GSE1: variants seen among roughly 807,000 people sequenced by gnomAD.
The protein encoded by GSE1 is Gse1 coiled-coil protein.
GSE1 carries 32 observed loss-of-function variants against 112.6 expected under a neutral mutation model. The observed-to-expected ratio is 0.28, with a 90% CI of 0.21 to 0.38. The LOEUF (loss-of-function observed/expected upper bound fraction) is 0.38, where lower values mean the gene tolerates loss of function less well. Among genes scored for constraint, GSE1 ranks in the 10% least tolerant of loss-of-function variants. The pLI, the probability that GSE1 is intolerant of heterozygous loss-of-function variation, is 1.00. For synonymous variants in GSE1, 1,115 were observed against 735.6 expected, an observed-to-expected ratio of 1.52 and a Z score of -8.35; for missense variants, 2,348 against 1,699.2, an observed-to-expected ratio of 1.38 and a Z score of -6.71.
At chr16:85,555,675 GC>G (rs1244292810), upstream of GSE1, 155 of 344,546 alleles carry the variant, frequency 4.5e-4, no homozygotes, top group African/African-American at 2.9e-3. Flanking sequence ...CCCTCCCGCC[GC>G]CCCCCCCTTC....
chr16:85,560,881 C>T (rs1456191515), intron 1 of GSE1, among the ~76,000 whole-genome samples: 1 of 152,108 alleles, frequency 6.6e-6, no homozygotes, highest in Non-Finnish European at 1.5e-5. Flanking sequence ...GTAGTCCCAG[C>T]ACTTTGGGAG....
chr16:85,598,399 C>T (rs1299693044), intron 1 of GSE1, among the ~76,000 whole-genome samples: 1 of 152,108 alleles, frequency 6.6e-6, no homozygotes, highest in Non-Finnish European at 1.5e-5. Flanking sequence ...AGGAGAATGC[C>T]CAGCCCCATC....
rs1254212872 is a variant in GSE1 at position 85,386,516 on chromosome 16, G to A, written c.2464+28873G>A. Among the ~76,000 whole-genome samples the A allele has an allele frequency of 3.9e-5, 6 of 152,316 alleles. No individual in the cohort carries two copies. In the South Asian group the frequency reaches 6.2e-4, roughly 16 times the overall value. On this transcript the variant is annotated intron_variant, in intron 2 of 2. Transcript: ENST00000637419. ...CTTGGGCACCTACTGCCTCAGAAGC[G>A]GTGTCTGTGGTTATTGTCATCCTTC...
intron 1 of GSE1, among the ~76,000 whole-genome samples, chr16:85,218,715 T>C (rs2075343199): frequency 6.6e-6 from 1 of 152,272 alleles, no homozygotes; most frequent in African/African-American, 2.4e-5. Flanking sequence ...TGACCTGCCT[T>C]CTGCAGGTCC....
intron 1 of GSE1, among the ~76,000 whole-genome samples, chr16:85,605,703 C>T (rs998265876): frequency 2.0e-5 from 3 of 152,050 alleles, no homozygotes; most frequent in Middle Eastern, 3.4e-3. Flanking sequence ...CACATTTTAA[C>T]GTTTGCTGTC....
In GSE1 at chr16:85,546,071, C is replaced by T. The variant is rs569586050; in HGVS notation, c.2465-87843C>T. On this transcript the variant is annotated intron_variant, in intron 2 of 2. Coordinates refer to the GSE1 transcript ENST00000637419. ...AAGTGCTGGGATTACAGGCGGGAGC[C>T]GCCGCGCCCAGCCATTAGTTTTTTA... is the stretch of plus-strand genomic sequence containing the variant. 2.2e-3 allele frequency among the ~76,000 whole-genome samples: 338 copies of T among 151,824 alleles called. 2 individuals are homozygous for T. The highest frequency in any genetic ancestry group is 7.8e-3 in the African/African-American group (323 of 41,346).
intron 1 of GSE1, among the ~76,000 whole-genome samples, chr16:85,199,453 G>C (rs2074988456): frequency 6.6e-6 from 1 of 152,168 alleles, no homozygotes; most frequent in Admixed American, 6.5e-5. Flanking sequence ...ACTTGAAGGA[G>C]GGCGATGTGT....
intron 2 of GSE1, among the ~76,000 whole-genome samples, chr16:85,394,729 C>G (rs111230402): frequency 6.6e-6 from 1 of 152,086 alleles, no homozygotes; most frequent in African/African-American, 2.4e-5. Context: ...CCCCGTCCGT[C>G]TCCCCCGAGA....
In GSE1 at chr16:85,663,002, A is replaced by G; in HGVS notation, c.2282A>G (p.Asp761Gly). The change falls in exon 10 of 16, where the codon GAC becomes GGC. Residue 761 changes from aspartate (D) to glycine (G), a missense_variant. Asp to Gly is a moderately conservative substitution (Grantham distance 94). Transcript: ENST00000253458. Reference sequence around the variant, plus strand: ...TCAGGGTACTACTACGACCTCGATGACTCTTACGACGAGAGCGATGAGGAG... The same window carrying G: ...TCAGGGTACTACTACGACCTCGATGGCTCTTACGACGAGAGCGATGAGGAG... ...QEKGYYYDLDDSYDESDEEEV... is the reference protein window; with the variant it reads ...QEKGYYYDLDGSYDESDEEEV... The G allele has an allele frequency of 6.2e-7, 1 of 1,611,492 alleles. No individual in the cohort carries two copies. Among genetic ancestry groups the G allele is most frequent in the Non-Finnish European group, 8.5e-7 (1 of 1,178,232 alleles).
intron 2 of GSE1, among the ~76,000 whole-genome samples, chr16:85,422,299 C>G (rs2048863372): frequency 6.6e-6 from 1 of 152,178 alleles, no homozygotes; most frequent in Non-Finnish European, 1.5e-5. Flanking sequence ...CTGTCAGGAT[C>G]CTCCCCGCAC....
intron 1 of GSE1, among the ~76,000 whole-genome samples, chr16:85,235,470 G>GTGTGTGTGTATA (rs1007804094): frequency 7.4e-6 from 1 of 135,140 alleles, no homozygotes; most frequent in African/African-American, 2.8e-5. Context: ...GTGTGTGTGT[G>GTGTGTGTGTATA]TAGGGGGTGT....
intron 1 of GSE1, among the ~76,000 whole-genome samples, chr16:85,236,110 G>T (rs974705891): frequency 6.6e-6 from 1 of 152,130 alleles, no homozygotes; most frequent in African/African-American, 2.4e-5. Flanking sequence ...TGTGGCTCCC[G>T]GGCAGGCTGT....
intron 11 of GSE1, 89 bp from the exon 12 acceptor site, chr16:85,664,926 G>A: frequency 4.6e-6 from 4 of 866,906 alleles, no homozygotes; most frequent in Non-Finnish European, 7.6e-6. Flanking sequence ...TGCTTTGCCT[G>A]CCCCTCAAGG....
intron 1 of GSE1, among the ~76,000 whole-genome samples, chr16:85,586,659 CT>C (rs1223848578): frequency 6.6e-6 from 1 of 152,208 alleles, no homozygotes; most frequent in African/African-American, 2.4e-5. Context: ...GACTGCCGTG[CT>C]CCATGGCTTC....
At chr16:85,242,995 C>T (rs1228053203) in intron 1 of GSE1, among the ~76,000 whole-genome samples, 1 of 151,988 alleles carries the variant, frequency 6.6e-6, no homozygotes, top group South Asian at 2.1e-4. Flanking sequence ...AAAATTTTTA[C>T]AGAGATGGGG....
At chr16:85,484,897 C>G (rs13333804) in intron 2 of GSE1, among the ~76,000 whole-genome samples, 6,704 of 152,286 alleles carry the variant, frequency 0.044, 246 homozygotes, top group East Asian at 0.14. Flanking sequence ...CATGTGGGTG[C>G]TGCCTCACCC....
chr16:85,579,527 C>T lies in GSE1; in HGVS notation c.37+23164C>T, dbSNP rs573371249. ...CGGTTGCTGCCGGGGACTCACAGGC[C>T]GGGCAGGCAGGTCAGAGGGACGCGT... On this transcript the variant is annotated intron_variant, in intron 1 of 2. Coordinates refer to the GSE1 transcript ENST00000635906. Among the ~76,000 whole-genome samples, 47 of 152,144 alleles carry T rather than the reference C, an allele frequency of 3.1e-4. 2 individuals carry two copies. The highest frequency in any genetic ancestry group is 8.3e-4 in the South Asian group (4 of 4,824).
chr16:85,572,392 CACAA>C (rs1177261069), intron 1 of GSE1, among the ~76,000 whole-genome samples: 2 of 147,826 alleles, frequency 1.4e-5, no homozygotes, highest in Admixed American at 6.7e-5. Context: ...TACCCCCACA[CACAA>C]ACACACCACA....
At chr16:85,381,333 C>G (rs902710741) in intron 2 of GSE1, among the ~76,000 whole-genome samples, 2 of 152,164 alleles carry the variant, frequency 1.3e-5, no homozygotes, top group African/African-American at 4.8e-5. Flanking sequence ...TGGATAGACC[C>G]CATGTTATGT....
Sources: gnomAD v4.1 joint callset for allele counts (sites outside exome capture counted in the v4.1 genomes callset) on GRCh38, gnomAD v4.1.1 for gene constraint, MANE v1.5 for transcripts, NCBI Gene and HGNC (gene_info 2026-07-23, HGNC 2026-07-21) for gene names.